PALS2: variants seen among roughly 807,000 people sequenced by gnomAD.
The protein encoded by PALS2 is protein associated with LIN7 2, MAGUK p55 family member, also known as protein PALS2.
In PALS2, 27 loss-of-function variants were observed where a neutral mutation model predicts 61.6. The observed-to-expected ratio is 0.44, with a 90% CI of 0.32 to 0.60. The LOEUF is 0.60. Ranked by LOEUF, PALS2 falls within the 20% of genes least tolerant of loss-of-function variation. The pLI is 0.05. For synonymous variants in PALS2, 236 were observed against 218.6 expected (o/e 1.08, Z -0.70); for missense variants, 554 against 639.4 (o/e 0.87, Z 1.44).
chr7:24,575,859 G>T (rs139987624), intron 1 of PALS2, among the ~76,000 whole-genome samples: 8 of 152,242 alleles, frequency 5.3e-5, no homozygotes, highest in African/African-American at 1.9e-4. Context: ...ATTACCTATT[G>T]CTAGGTGACT....
intron 1 of PALS2, among the ~76,000 whole-genome samples, chr7:24,590,229 C>G (rs13438486): frequency 2.0e-5 from 3 of 152,124 alleles, no homozygotes; most frequent in Non-Finnish European, 4.4e-5. Flanking sequence ...ATTTTTCAAT[C>G]TTACCTGCTT....
intron 7 of PALS2, 98 bp from the exon 8 acceptor site, chr7:24,665,923 T>C (rs949244155): frequency 1.4e-5 from 17 of 1,201,172 alleles, no homozygotes; most frequent in Non-Finnish European, 2.0e-5. Flanking sequence ...GGATGCCACA[T>C]TGGGGAGATA....
intron 9 of PALS2, among the ~76,000 whole-genome samples, chr7:24,669,243 C>G (rs753755971): frequency 3.3e-5 from 5 of 152,178 alleles, no homozygotes; most frequent in Admixed American, 6.5e-5. Context: ...GTGAACCAAG[C>G]ACTCATTTTA....
At chr7:24,655,198 C>T (rs1786352325) in intron 5 of PALS2, among the ~76,000 whole-genome samples, 1 of 152,156 alleles carries the variant, frequency 6.6e-6, no homozygotes, top group South Asian at 2.1e-4. Context: ...TAAATATTCA[C>T]ATATATCAAG....
At chr7:24,674,944 A>G (rs1167290259) in intron 9 of PALS2, among the ~76,000 whole-genome samples, 1 of 152,200 alleles carries the variant, frequency 6.6e-6, no homozygotes, top group African/African-American at 2.4e-5. Context: ...AATTTTGCCT[A>G]TCATAAAAAA....
rs1168347530 is a variant in PALS2, at chr7:24,689,591, T to C, written c.*1977T>C. 1.3e-5 allele frequency: 2 copies of C among 151,172 alleles called. No individual in the cohort carries two copies. The highest frequency in any genetic ancestry group is 1.3e-4 in the Admixed American group (2 of 15,226). 9.4% of individuals were successfully genotyped at this position (151,172 alleles called of 1,614,324 possible). ...TCTATAGGTTTTTCTTTTTTTTTTT[T>C]TTTTTCTTTTTTTGATTCTAGATTT... On this transcript the variant is annotated 3_prime_UTR_variant, in exon 12 of 12. Transcript: ENST00000222644.
intron 6 of PALS2, 147 bp downstream of exon 6, chr7:24,663,868 T>C (rs1313370275): frequency 1.9e-6 from 2 of 1,052,634 alleles, no homozygotes; most frequent in African/African-American, 3.3e-5. Context: ...CTACTAATTT[T>C]GTGGACATAA....
At chr7:24,607,575 G>A (rs1286916187) in intron 1 of PALS2, among the ~76,000 whole-genome samples, 5 of 120,850 alleles carry the variant, frequency 4.1e-5, no homozygotes, top group Admixed American at 7.6e-5. Context: ...ATACATATAT[G>A]TGTGTATATA....
intron 2 of PALS2, among the ~76,000 whole-genome samples, chr7:24,629,014 A>G (rs1275435119): frequency 6.6e-6 from 1 of 152,222 alleles, no homozygotes; most frequent in Non-Finnish European, 1.5e-5. Context: ...TGGAACCAAA[A>G]AAGAGCCGGT....
At chr7:24,626,169 A>AT (rs1432079479) in intron 2 of PALS2, among the ~76,000 whole-genome samples, 2 of 152,180 alleles carry the variant, frequency 1.3e-5, no homozygotes, top group African/African-American at 4.8e-5. Flanking sequence ...ATAAAAAATA[A>AT]TCAAATGAAC....
intron 1 of PALS2, among the ~76,000 whole-genome samples, chr7:24,614,170 C>T (rs60014319): frequency 0.063 from 9,588 of 151,802 alleles, 349 homozygotes; most frequent in African/African-American, 0.093. Flanking sequence ...TCCCTACTGT[C>T]CTCCATTGTG....
At chr7:24,622,854 C>T (rs1784578033) in intron 1 of PALS2, among the ~76,000 whole-genome samples, 1 of 151,496 alleles carries the variant, frequency 6.6e-6, no homozygotes, top group African/African-American at 2.4e-5. Context: ...AGAAGAATTT[C>T]CCTTCTATTT....
Position 24,650,553 on chromosome 7 carries a change from T to A in PALS2, c.492T>A (p.Asp164Glu). Residue 164 changes from aspartate (D) to glutamate (E), a missense_variant, in exon 5 of 12, where the codon GAT becomes GAA. Physicochemically the swap from Asp to Glu is conservative, Grantham distance 45. Transcript: ENST00000222644. The part of the protein sequence containing the change: ...IARILHGGMI[D>E]RQGLLHVGDI... ...GAATCCTCCATGGGGGAATGATAGA[T>A]CGACAAGGTCTACTTCATGTGGGAG... The A allele has an allele frequency of 6.2e-7, 1 of 1,613,602 alleles. No individual in the cohort carries two copies. The highest frequency in any genetic ancestry group is 2.2e-5 in the East Asian group (1 of 44,820).
At chr7:24,662,768 G>GAAAAAAAAA (rs59367702) in intron 5 of PALS2, among the ~76,000 whole-genome samples, 74 of 102,596 alleles carry the variant, frequency 7.2e-4, no homozygotes, top group Non-Finnish European at 1.1e-3. Context: ...GACTCCATCT[G>GAAAAAAAAA]AAAAAAAAAA....
At chr7:24,681,079 C>T (rs781724846) in intron 11 of PALS2, among the ~76,000 whole-genome samples, 19 of 151,968 alleles carry the variant, frequency 1.3e-4, no homozygotes, top group African/African-American at 4.3e-4. Context: ...TTAAAATATG[C>T]GTATTAATTG....
At chr7:24,658,136 T>C (rs1298749416) in intron 5 of PALS2, among the ~76,000 whole-genome samples, 1 of 151,614 alleles carries the variant, frequency 6.6e-6, no homozygotes, top group Non-Finnish European at 1.5e-5. Context: ...GTATTTTTCA[T>C]GTTGGATGTT....
At position 24,578,312 on chromosome 7, in the gene PALS2, C is replaced by T. The variant is rs897695447; in HGVS notation, c.-3+4719C>T. Among the ~76,000 whole-genome samples the T allele has an allele frequency of 2.0e-5, 3 of 152,146 alleles. No homozygotes were observed. In the East Asian group the frequency reaches 5.8e-4, roughly 29 times the overall value. On this transcript the variant is annotated intron_variant, in intron 1 of 11. Transcript: ENST00000222644. The stretch of plus-strand genomic sequence containing the variant: ...ACTTAGACCTGTTCCTGGCACATAG[C>T]TGTCATTAAATAAATCATCCTTTTA...
At chr7:24,654,220 AAAAG>A (rs966585498) in intron 5 of PALS2, among the ~76,000 whole-genome samples, 8 of 151,948 alleles carry the variant, frequency 5.3e-5, no homozygotes, top group African/African-American at 1.2e-4. Context: ...TAAAAAAAAA[AAAAG>A]AAACTAGAGA....
Position 24,691,406 on chromosome 7 carries a change from T to TATAC in PALS2, c.*3795_*3796insCATA, listed in dbSNP as rs1554318950. The TATAC allele has an allele frequency of 2.5e-5, 1 of 40,646 alleles. No individual in the cohort carries two copies. Among genetic ancestry groups the TATAC allele is most frequent in the Non-Finnish European group, 9.3e-5 (1 of 10,720 alleles). 2.5% of individuals were successfully genotyped at this position (40,646 alleles called of 1,614,324 possible). On this transcript the variant is annotated 3_prime_UTR_variant, in exon 12 of 12. Transcript: ENST00000222644. ...TATTATGTATGTGTGTGTGTGTGTG[T>TATAC]ATATATATATATATATATATATATA...
Sources: allele counts gnomAD v4.1 joint callset (sites outside exome capture counted in the v4.1 genomes callset), GRCh38; gene constraint gnomAD v4.1.1; transcripts MANE v1.5; gene names NCBI Gene and HGNC (gene_info 2026-07-23, HGNC 2026-07-21).